PGCKA1: variants seen among roughly 807,000 people sequenced by gnomAD.
PGCKA1 encodes PDCD10 and GCKIII kinases associated 1.
At chr4:37,577,019 T>C in the PGCKA1 span, among the ~76,000 whole-genome samples, 1 of 152,176 alleles carries the variant, frequency 6.6e-6, no homozygotes, top group African/African-American at 2.4e-5. Context: ...TTGACACTCA[T>C]CAGGGATATT....
chr4:37,586,592 A>G, the PGCKA1 span, among the ~76,000 whole-genome samples: 1 of 152,138 alleles, frequency 6.6e-6, no homozygotes. Context: ...GCTGCAGCAA[A>G]TTACTACGAA....
chr4:37,556,293 G>GT, the PGCKA1 span, among the ~76,000 whole-genome samples: 11 of 151,718 alleles, frequency 7.3e-5, no homozygotes, highest in African/African-American at 1.9e-4. Context: ...TTGAGACAGA[G>GT]TTTCGCTCTT....
At chr4:37,561,561 A>C in the PGCKA1 span, among the ~76,000 whole-genome samples, 1 of 152,196 alleles carries the variant, frequency 6.6e-6, no homozygotes, top group East Asian at 1.9e-4. Flanking sequence ...CCAGGGAAAG[A>C]AAGGGGGGAC....
At chr4:37,527,925 A>T in the PGCKA1 span, among the ~76,000 whole-genome samples, 1 of 152,190 alleles carries the variant, frequency 6.6e-6, no homozygotes, top group Non-Finnish European at 1.5e-5. Flanking sequence ...AGGCTATACC[A>T]GGCAGTCTAG....
the PGCKA1 span, chr4:37,589,977 A>G: frequency 1.2e-6 from 1 of 835,300 alleles, no homozygotes; most frequent in Non-Finnish European, 1.9e-6. Context: ...TCTAGGTTGA[A>G]AAGTAATCAC....
At chr4:37,539,360 T>C in the PGCKA1 span, among the ~76,000 whole-genome samples, 4 of 152,144 alleles carry the variant, frequency 2.6e-5, no homozygotes, top group Non-Finnish European at 5.9e-5. Context: ...TAAGTTCCCC[T>C]CTAAACCCTG....
the PGCKA1 span, among the ~76,000 whole-genome samples, chr4:37,514,952 G>A: frequency 6.6e-6 from 1 of 152,210 alleles, no homozygotes; most frequent in East Asian, 1.9e-4. Flanking sequence ...AGAGAAGGTG[G>A]AAGTATGGGC....
chr4:37,520,317 T>A, the PGCKA1 span, among the ~76,000 whole-genome samples: 1 of 152,200 alleles, frequency 6.6e-6, no homozygotes, highest in Non-Finnish European at 1.5e-5. Flanking sequence ...TTGGAATAGC[T>A]TGAGTAGCGT....
chr4:37,521,931 T>C, the PGCKA1 span, among the ~76,000 whole-genome samples: 1 of 152,238 alleles, frequency 6.6e-6, no homozygotes, highest in East Asian at 1.9e-4. Flanking sequence ...CCTTTATCTT[T>C]ATGTAGTGAC....
the PGCKA1 span, among the ~76,000 whole-genome samples, chr4:37,494,614 G>T: frequency 6.6e-6 from 1 of 152,166 alleles, no homozygotes; most frequent in Non-Finnish European, 1.5e-5. Flanking sequence ...ATGATAGAAC[G>T]ATTTATATTC....
At chr4:37,482,539 A>G in the PGCKA1 span, among the ~76,000 whole-genome samples, 3 of 152,326 alleles carry the variant, frequency 2.0e-5, no homozygotes, top group Admixed American at 6.5e-5. Context: ...AGCAGAGCAT[A>G]AAAGTTTGGA....
At chr4:37,552,832 T>A in the PGCKA1 span, among the ~76,000 whole-genome samples, 1 of 152,366 alleles carries the variant, frequency 6.6e-6, no homozygotes, top group East Asian at 1.9e-4. Context: ...GAACCTAATT[T>A]GTTTGCCTAT....
the PGCKA1 span, among the ~76,000 whole-genome samples, chr4:37,471,852 C>T: frequency 6.6e-6 from 1 of 152,146 alleles, no homozygotes; most frequent in African/African-American, 2.4e-5. Flanking sequence ...AGACTTCATT[C>T]TGGGGGCAAG....
At chr4:37,586,885 G>A in the PGCKA1 span, among the ~76,000 whole-genome samples, 2 of 152,180 alleles carry the variant, frequency 1.3e-5, no homozygotes, top group African/African-American at 2.4e-5. Flanking sequence ...ACTCCAGCCT[G>A]GGCAACAGAG....
the PGCKA1 span, among the ~76,000 whole-genome samples, chr4:37,552,319 T>C: frequency 1.3e-5 from 2 of 152,198 alleles, no homozygotes; most frequent in Non-Finnish European, 2.9e-5. Context: ...AAATCTTTAG[T>C]GTTGTGAGCC....
the PGCKA1 span, among the ~76,000 whole-genome samples, chr4:37,592,549 T>C: frequency 6.6e-6 from 1 of 152,100 alleles, no homozygotes; most frequent in Non-Finnish European, 1.5e-5. Flanking sequence ...GGACAACCAT[T>C]CTAACGTAAC....
chr4:37,515,570 T>C, the PGCKA1 span, among the ~76,000 whole-genome samples: 4 of 152,248 alleles, frequency 2.6e-5, no homozygotes, highest in Non-Finnish European at 5.9e-5. Flanking sequence ...ACACTGGTAC[T>C]ATACTACGGG....
At chr4:37,528,840 T>G in the PGCKA1 span, among the ~76,000 whole-genome samples, 1 of 152,212 alleles carries the variant, frequency 6.6e-6, no homozygotes, top group Non-Finnish European at 1.5e-5. Flanking sequence ...CATTATAGTT[T>G]AAGGAACTTT....
At chr4:37,489,604 G>C in the PGCKA1 span, among the ~76,000 whole-genome samples, 1 of 152,146 alleles carries the variant, frequency 6.6e-6, no homozygotes, top group Admixed American at 6.5e-5. Flanking sequence ...TGAGAGAATT[G>C]TGGGTGACTC....
Sources: allele counts gnomAD v4.1 joint callset (sites outside exome capture counted in the v4.1 genomes callset), GRCh38; gene constraint gnomAD v4.1.1; transcripts MANE v1.5; gene names NCBI Gene and HGNC (gene_info 2026-07-23, HGNC 2026-07-21).